Variants in PDE4D observed in about 807,000 individuals in gnomAD.
PDE4D encodes phosphodiesterase 4D, also known as 3',5'-cyclic-AMP phosphodiesterase 4D.
A neutral mutation model predicts 87.4 loss-of-function variants in PDE4D; 24 were observed. The observed-to-expected ratio is 0.27, with a 90% CI of 0.20 to 0.39. The LOEUF (loss-of-function observed/expected upper bound fraction) is 0.39, where lower values mean the gene tolerates loss of function less well. Among genes scored for constraint, PDE4D ranks in the 10% least tolerant of loss-of-function variants. The pLI, the probability that PDE4D is intolerant of heterozygous loss-of-function variation, is 1.00. For synonymous variants in PDE4D, 384 were observed against 383.2 expected (o/e 1.00, Z -0.02); for missense variants, 714 against 1,041.0 (o/e 0.69, Z 4.32).
intron 5 of PDE4D, among the ~76,000 whole-genome samples, chr5:59,047,691 T>C (rs992706976): frequency 6.6e-6 from 1 of 152,220 alleles, no homozygotes; most frequent in South Asian, 2.1e-4. Flanking sequence ...AAGGAAAATA[T>C]TGTTATGGAC....
intron 1 of PDE4D, among the ~76,000 whole-genome samples, chr5:60,305,759 G>A (rs993638124): frequency 6.7e-6 from 1 of 149,004 alleles, no homozygotes; most frequent in African/African-American, 2.5e-5. Context: ...CTAAGAAAAT[G>A]TTGTAGCCCA....
chr5:60,437,049 AACACAATCACTTTTTCTCCCCC>A (rs949329735), intron 1 of PDE4D, among the ~76,000 whole-genome samples: 37 of 152,182 alleles, frequency 2.4e-4, no homozygotes, highest in African/African-American at 8.2e-4. Flanking sequence ...GTGTGACCTC[AACACAATCACTTTTTCTCCCCC>A]ACACAATCAC....
intron 1 of PDE4D, among the ~76,000 whole-genome samples, chr5:59,806,844 C>T (rs73758891): frequency 0.012 from 1,823 of 152,192 alleles, 43 homozygotes; most frequent in African/African-American, 0.041. Flanking sequence ...CATTACACAA[C>T]GTGTACATAT....
At chr5:60,003,226 A>G (rs996017911) in intron 2 of PDE4D, among the ~76,000 whole-genome samples, 2 of 152,198 alleles carry the variant, frequency 1.3e-5, no homozygotes, top group African/African-American at 4.8e-5. Flanking sequence ...ACTTAAAGAC[A>G]TTAATGAAAA....
intron 5 of PDE4D, chr5:59,125,316 A>G: frequency 2.1e-6 from 2 of 974,848 alleles, no homozygotes; most frequent in Non-Finnish European, 2.4e-6. Flanking sequence ...TTGGTCCACG[A>G]AAGAAATTAA....
chr5:59,345,196 C>G (rs773106226), intron 1 of PDE4D, among the ~76,000 whole-genome samples: 39 of 152,266 alleles, frequency 2.6e-4, no homozygotes, highest in Admixed American at 4.6e-4. Context: ...GTGACTTACA[C>G]TGCCTATGCA....
intron 1 of PDE4D, among the ~76,000 whole-genome samples, chr5:60,221,882 A>G (rs1744535515): frequency 2.0e-5 from 3 of 152,102 alleles, no homozygotes; most frequent in Admixed American, 2.0e-4. Context: ...TTTGGCTATT[A>G]TAAATAAAGC....
chr5:59,905,547 C>G (rs1199809303), intron 3 of PDE4D, among the ~76,000 whole-genome samples: 1 of 152,094 alleles, frequency 6.6e-6, no homozygotes, highest in Non-Finnish European at 1.5e-5. Flanking sequence ...GTTTCCGTTT[C>G]AGCTCCAAGA....
At chr5:60,324,255 T>C (rs1314267007) in intron 1 of PDE4D, among the ~76,000 whole-genome samples, 1 of 152,242 alleles carries the variant, frequency 6.6e-6, no homozygotes, top group Non-Finnish European at 1.5e-5. Context: ...TGAATTTGAA[T>C]ATTTTCGAGA....
intron 1 of PDE4D, among the ~76,000 whole-genome samples, chr5:59,456,278 C>A (rs115217654): frequency 0.018 from 2,814 of 152,256 alleles, 90 homozygotes; most frequent in African/African-American, 0.065. Context: ...ATGGGGGCAG[C>A]TCTTTCCTGT....
chr5:59,039,396 C>CCGGATCTCCT, intron 5 of PDE4D: 14 of 1,010,222 alleles, frequency 1.4e-5, no homozygotes, highest in Non-Finnish European at 1.7e-5. Context: ...TGGTCCACAG[C>CCGGATCTCCT]CGGATCTCCT....
chr5:60,504,909 C>T (rs1256393354), intron 1 of PDE4D, among the ~76,000 whole-genome samples: 3 of 152,100 alleles, frequency 2.0e-5, no homozygotes, highest in Non-Finnish European at 2.9e-5. Context: ...ACCTATCCTC[C>T]CCCAACAAAA....
At chr5:59,685,725 T>A (rs1008307997) in intron 1 of PDE4D, among the ~76,000 whole-genome samples, 9 of 128,260 alleles carry the variant, frequency 7.0e-5, no homozygotes, top group African/African-American at 4.2e-4. Flanking sequence ...AAATAACAGA[T>A]TTTTTTTTTC....
intron 1 of PDE4D, among the ~76,000 whole-genome samples, chr5:59,882,967 C>A (rs1581580569): frequency 6.6e-6 from 1 of 152,092 alleles, no homozygotes; most frequent in East Asian, 1.9e-4. Flanking sequence ...TTGGTAGAGA[C>A]AGGGTTTCGC....
intron 1 of PDE4D, among the ~76,000 whole-genome samples, chr5:59,385,405 T>C (rs427433): frequency 0.38 from 57,437 of 152,010 alleles, 12,252 homozygotes; most frequent in African/African-American, 0.59. Context: ...TAAAGGAGTC[T>C]ATGTTGAAAT....
chr5:59,253,118 G>A (rs1303856828), intron 1 of PDE4D, among the ~76,000 whole-genome samples: 2 of 151,928 alleles, frequency 1.3e-5, no homozygotes, highest in Non-Finnish European at 2.9e-5. Flanking sequence ...GCAACTGTGA[G>A]GTTTTTACAA....
chr5:59,173,471 A>G (rs995063304), intron 5 of PDE4D, among the ~76,000 whole-genome samples: 11 of 152,224 alleles, frequency 7.2e-5, no homozygotes, highest in African/African-American at 2.4e-4. Context: ...TTTCAGTTCA[A>G]TGTTTTTACC....
At chr5:59,796,028 C>T (rs1561675957) in intron 1 of PDE4D, among the ~76,000 whole-genome samples, 1 of 152,178 alleles carries the variant, frequency 6.6e-6, no homozygotes. Flanking sequence ...CTTGACAACA[C>T]ATTACTTTTG....
intron 2 of PDE4D, among the ~76,000 whole-genome samples, chr5:60,008,463 A>G (rs1582153636): frequency 6.6e-6 from 1 of 152,172 alleles, no homozygotes; most frequent in East Asian, 1.9e-4. Context: ...TCTGAAGGCC[A>G]TAAGTTTGGA....
Sources: gnomAD v4.1 joint callset for allele counts (sites outside exome capture counted in the v4.1 genomes callset) on GRCh38, gnomAD v4.1.1 for gene constraint, MANE v1.5 for transcripts, NCBI Gene and HGNC (gene_info 2026-07-23, HGNC 2026-07-21) for gene names.